RIC3: variants seen among roughly 807,000 people sequenced by gnomAD.
The protein encoded by RIC3 is RIC3 acetylcholine receptor chaperone, also known as protein RIC-3.
RIC3 carries 28 observed loss-of-function variants against 27.3 expected under a neutral mutation model. That is an observed-to-expected ratio of 1.02 (90% CI 0.76 to 1.41). RIC3 has a LOEUF of 1.41. Ranked by LOEUF, RIC3 falls within the 40% of genes most tolerant of loss-of-function variation. The probability of loss-of-function intolerance (pLI) is 0.00; values close to 1 mark genes in which losing one functional copy is unlikely to be tolerated. For synonymous variants in RIC3, 184 were observed against 160.4 expected, an observed-to-expected ratio of 1.15 and a Z score of -1.11; for missense variants, 501 against 444.7, an observed-to-expected ratio of 1.13 and a Z score of -1.14.
At chr11:8,117,954 C>T (rs913838080) in intron 5 of RIC3, among the ~76,000 whole-genome samples, 1 of 151,928 alleles carries the variant, frequency 6.6e-6, no homozygotes, top group Non-Finnish European at 1.5e-5. Context: ...TGGGCACGGT[C>T]GCTCACGCCT....
chr11:8,138,158 A>C lies in RIC3; in HGVS notation c.427+114T>G, dbSNP rs910147643. 8.7e-6 allele frequency: 6 copies of C among 686,444 alleles called. No individual in the cohort carries two copies. The Admixed American group carries it at 1.5e-4, about 17-fold the overall frequency. The allele number at this position is 686,444 out of a possible 1,614,324, so 42.5% of individuals were successfully genotyped here. ...ACTAAGGCAAAAATGGCATCAGATT[A>C]ATTTGGAGCAACTTTTGAGAAATGC... On this transcript the variant is annotated intron_variant, in intron 3 of 5. Coordinates refer to ENST00000309737, the MANE Select transcript of RIC3 (RefSeq NM_001206671.4).
chr11:8,144,156 A>C (rs1406239755), intron 1 of RIC3, among the ~76,000 whole-genome samples: 2 of 152,218 alleles, frequency 1.3e-5, no homozygotes, highest in Non-Finnish European at 2.9e-5. Flanking sequence ...AAGCGATGGC[A>C]ACAAAAGACA....
chr11:8,145,211 A>AG (rs1384697363), intron 1 of RIC3, among the ~76,000 whole-genome samples: 795 of 151,392 alleles, frequency 5.3e-3, no homozygotes, highest in Non-Finnish European at 9.2e-3. Flanking sequence ...TTAAAAAAAA[A>AG]AAAGAAAGAA....
the RIC3 span, chr11:8,097,435 G>A: frequency 6.2e-7 from 1 of 1,614,208 alleles, no homozygotes; most frequent in Non-Finnish European, 8.5e-7. Context: ...GGTAAGGTTG[G>A]TCTGGGCATG....
intron 1 of RIC3, among the ~76,000 whole-genome samples, chr11:8,165,530 G>A (rs538532457): frequency 6.6e-6 from 1 of 152,272 alleles, no homozygotes; most frequent in African/African-American, 2.4e-5. Context: ...GGCTGGAGGT[G>A]GGCTGGGGGA....
At chr11:8,132,330 T>C (rs1409058050) in intron 4 of RIC3, among the ~76,000 whole-genome samples, 9 of 152,214 alleles carry the variant, frequency 5.9e-5, no homozygotes, top group African/African-American at 1.2e-4. Flanking sequence ...TGTATTACTA[T>C]AAGAGTTATT....
chr11:8,148,520 T>C (rs1402147086), intron 1 of RIC3, among the ~76,000 whole-genome samples: 1 of 152,186 alleles, frequency 6.6e-6, no homozygotes, highest in Non-Finnish European at 1.5e-5. Context: ...GAGAATACTA[T>C]CTTCAAATCT....
intron 1 of RIC3, among the ~76,000 whole-genome samples, chr11:8,154,096 A>AT (rs550173960): frequency 2.3e-4 from 34 of 150,648 alleles, no homozygotes; most frequent in Non-Finnish European, 3.1e-4. Flanking sequence ...TCTAGTGGGA[A>AT]TTTTTTTTTT....
Position 8,162,974 on chromosome 11 carries a change from T to C in RIC3, c.124+5892A>G, listed in dbSNP as rs185393032. Among the ~76,000 whole-genome samples the C allele has an allele frequency of 2.7e-3, 409 of 151,484 alleles. 3 individuals are homozygous for C. Among genetic ancestry groups the C allele is most frequent in the African/African-American group, 9.6e-3 (396 of 41,222 alleles). On this transcript the variant is annotated intron_variant, in intron 1 of 5. Coordinates refer to ENST00000309737, the MANE Select transcript of RIC3 (RefSeq NM_001206671.4). ...AGCCTCTGTGTTTCTTTGCTCAGTA[T>C]TTCTTCTACCTAGAATGCCCTTCTT...
At chr11:8,124,443 C>T (rs563618312) in intron 5 of RIC3, among the ~76,000 whole-genome samples, 49 of 152,278 alleles carry the variant, frequency 3.2e-4, no homozygotes, top group African/African-American at 1.1e-3. Context: ...GATTCAATAT[C>T]GTTACAGTAT....
chr11:8,095,797 T>C, the RIC3 span: 1 of 1,010,406 alleles, frequency 9.9e-7, no homozygotes, highest in Non-Finnish European at 1.4e-6. Context: ...TGGGGCACAC[T>C]TCGGAGACAA....
intron 5 of RIC3, among the ~76,000 whole-genome samples, chr11:8,115,251 C>T (rs886111335): frequency 2.0e-5 from 3 of 150,928 alleles, no homozygotes; most frequent in Admixed American, 2.0e-4. Flanking sequence ...CAGCAGAAAC[C>T]TTAAAGGCCA....
Position 8,141,974 on chromosome 11 carries a change from C to G in RIC3, c.125-1781G>C, listed in dbSNP as rs1949126777. ...GCAGAAATAAAGATGTTCTTTGAAACCAACGAGAACAAAGACACAACATAC... is the reference window on the plus strand; with the variant it reads ...GCAGAAATAAAGATGTTCTTTGAAAGCAACGAGAACAAAGACACAACATAC... On this transcript the variant is annotated intron_variant, in intron 1 of 5. Transcript: ENST00000309737. 2.6e-5 allele frequency among the ~76,000 whole-genome samples: 4 copies of G among 151,282 alleles called. No homozygotes were observed. The South Asian group carries it at 8.5e-4, about 32-fold the overall frequency.
At chr11:8,161,269 G>A (rs957837878) in intron 1 of RIC3, among the ~76,000 whole-genome samples, 6 of 152,188 alleles carry the variant, frequency 3.9e-5, no homozygotes, top group Admixed American at 3.3e-4. Flanking sequence ...TTTCTTGCAC[G>A]ACTCAGCTTT....
chr11:8,144,170 T>C (rs956509525), intron 1 of RIC3, among the ~76,000 whole-genome samples: 3 of 151,854 alleles, frequency 2.0e-5, no homozygotes, highest in Admixed American at 6.6e-5. Context: ...AAAGACAAAA[T>C]TGTCAAATGG....
At position 8,108,817 on chromosome 11, in the gene RIC3, G is replaced by A. The variant is rs959856083; in HGVS notation, c.*1881C>T. On this transcript the variant is annotated 3_prime_UTR_variant, in exon 6 of 6. Transcript: ENST00000309737. The stretch of plus-strand genomic sequence containing the variant: ...TGAATGAATGAGCTAGAAGAGAACA[G>A]CAGTATTTATCTCTAATAAGGGAAT... 1.3e-5 allele frequency: 2 copies of A among 152,226 alleles called. No individual in the cohort carries two copies. The highest frequency in any genetic ancestry group is 2.9e-5 in the Non-Finnish European group (2 of 68,042). The allele number at this position is 152,226 out of a possible 1,614,324, so 9.4% of individuals were successfully genotyped here.
At chr11:8,120,779 G>A (rs1946353728) in intron 5 of RIC3, among the ~76,000 whole-genome samples, 1 of 151,680 alleles carries the variant, frequency 6.6e-6, no homozygotes, top group Non-Finnish European at 1.5e-5. Flanking sequence ...ACTAAAAACA[G>A]GTAACCTATT....
intron 5 of RIC3, among the ~76,000 whole-genome samples, chr11:8,121,196 G>A (rs1946409876): frequency 6.6e-6 from 1 of 152,154 alleles, no homozygotes; most frequent in African/African-American, 2.4e-5. Flanking sequence ...AATATCACTT[G>A]TAGTTAAAAT....
intron 4 of RIC3, among the ~76,000 whole-genome samples, chr11:8,129,005 C>T (rs1202111149): frequency 1.3e-5 from 2 of 152,002 alleles, no homozygotes; most frequent in Admixed American, 6.6e-5. Flanking sequence ...CCGCCCGCCT[C>T]GGCCTCCCAA....
Sources: allele counts gnomAD v4.1 joint callset (sites outside exome capture counted in the v4.1 genomes callset), GRCh38; gene constraint gnomAD v4.1.1; transcripts MANE v1.5; gene names NCBI Gene and HGNC (gene_info 2026-07-23, HGNC 2026-07-21).